The following ZNF582 variants were observed in gnomAD, a reference collection of about 807,000 sequenced individuals.
The protein encoded by ZNF582 is zinc finger protein 582.
Under a neutral mutation model 12.3 loss-of-function variants are expected in ZNF582, and 14 were observed. That is an observed-to-expected ratio of 1.14 (90% CI 0.75 to 1.78). The LOEUF (loss-of-function observed/expected upper bound fraction) is 1.78, where lower values mean the gene tolerates loss of function less well. ZNF582 is among the 40% of genes most tolerant of loss of function. The pLI is 0.00. For synonymous variants in ZNF582, 210 were observed against 207.2 expected (o/e 1.01, Z -0.11); for missense variants, 567 against 616.5 (o/e 0.92, Z 0.85).
At chr19:56,390,491 A>C in exon 3 of ZNF582, 1 of 1,614,098 alleles carries the variant, frequency 6.2e-7, no homozygotes, top group Non-Finnish European at 8.5e-7. Flanking sequence ...ATCCCTGAAC[A>C]ATTCTGACCC....
rs766814473 is a variant in ZNF582 at position 56,389,995 on chromosome 19, A to C, written c.232+6T>G. On this transcript the variant is annotated splice_donor_region_variant and intron_variant, in intron 4 of 4. Coordinates refer to ENST00000586929, the Ensembl canonical transcript of ZNF582. ...GCTGCTCCCTTCCCAATGATACCTC[A>C]CTCACCTGGACACAGGCCTCCAGAC... is the stretch of plus-strand genomic sequence containing the variant. 5.0e-6 allele frequency: 8 copies of C among 1,612,572 alleles called. No homozygotes were observed. The highest frequency in any genetic ancestry group is 6.8e-6 in the Non-Finnish European group (8 of 1,179,010).
exon 4 of ZNF582, chr19:56,390,091 C>T (rs1457368181): frequency 1.9e-6 from 3 of 1,613,518 alleles, no homozygotes; most frequent in Admixed American, 1.7e-5. Flanking sequence ...TTGGAAACGG[C>T]AAGACCTGGA....
intron 4 of ZNF582, among the ~76,000 whole-genome samples, chr19:56,388,688 A>C (rs1459204989): frequency 6.6e-6 from 1 of 151,946 alleles, no homozygotes; most frequent in Non-Finnish European, 1.5e-5. Context: ...GCTGGAGCGC[A>C]GTGGTTCGAT....
At chr19:56,383,637 G>A (rs1208639910) in exon 5 of ZNF582, 2 of 402,876 alleles carry the variant, frequency 5.0e-6, no homozygotes, top group Non-Finnish European at 8.5e-6. Flanking sequence ...ACTACACTGT[G>A]GTTAGAAAAT....
rs779383554 is a variant in ZNF582 at position 56,384,652 on chromosome 19, A to G, written c.765T>C (p.Tyr255=). The G allele has an allele frequency of 1.9e-6, 3 of 1,614,134 alleles. No individual in the cohort carries two copies. The East Asian group carries it at 6.7e-5, about 36-fold the overall frequency. Residue 255 remains tyrosine (Y), a synonymous_variant, in exon 5 of 5, where the codon TAT becomes TAC. Coordinates refer to ENST00000586929, the Ensembl canonical transcript of ZNF582. The stretch of plus-strand genomic sequence containing the variant: ...AGGCCTTCTCACAATCTTTACATTC[A>G]TACGGTTTCTCACCAGTATGAACTC...
rs1339102487 is a variant in ZNF582, at chr19:56,389,794, T to C, written c.232+207A>G. On this transcript the variant is annotated intron_variant, in intron 4 of 4. Coordinates refer to ENST00000586929, the Ensembl canonical transcript of ZNF582. ...ACCATATTTGTACTCAGTCTAGCCC[T>C]ATAATCCAGGTTGAATTTTTAAAGT... Among the ~76,000 whole-genome samples the C allele has an allele frequency of 4.6e-5, 7 of 152,296 alleles. No individual in the cohort carries two copies. In the East Asian group the frequency reaches 1.2e-3, roughly 25 times the overall value.
At chr19:56,393,434 C>T in exon 1 of ZNF582, 1 of 545,918 alleles carries the variant, frequency 1.8e-6, no homozygotes, top group South Asian at 1.4e-5. Flanking sequence ...AGCTCCGGAA[C>T]CTCTCACCTG....
exon 1 of ZNF582, chr19:56,393,426 C>A: frequency 1.8e-6 from 1 of 555,822 alleles, no homozygotes; most frequent in African/African-American, 1.9e-5. Flanking sequence ...GCCTGGAAAG[C>A]TCCGGAACCT....
chr19:56,388,805 G>A (rs1469822161), intron 4 of ZNF582, among the ~76,000 whole-genome samples: 1 of 152,062 alleles, frequency 6.6e-6, no homozygotes, highest in Non-Finnish European at 1.5e-5. Context: ...GCTAATTTTT[G>A]TGATTTTAGT....
At chr19:56,390,425 T>C in exon 3 of ZNF582, 1 of 1,614,078 alleles carries the variant, frequency 6.2e-7, no homozygotes, top group Non-Finnish European at 8.5e-7. Context: ...TCTGTACAAA[T>C]CCCTCTGAGC....
exon 5 of ZNF582, chr19:56,384,714 C>A: frequency 6.2e-7 from 1 of 1,612,074 alleles, no homozygotes; most frequent in South Asian, 1.1e-5. Flanking sequence ...GAATTGAAGG[C>A]CTTTCCACAT....
intron 4 of ZNF582, among the ~76,000 whole-genome samples, chr19:56,387,989 G>A (rs1343265075): frequency 6.6e-6 from 1 of 152,170 alleles, no homozygotes; most frequent in Non-Finnish European, 1.5e-5. Flanking sequence ...AGTCAACATT[G>A]TAAGAGCTGA....
exon 1 of ZNF582, chr19:56,393,266 G>A (rs1342237248): frequency 8.0e-7 from 1 of 1,244,518 alleles, no homozygotes; most frequent in Non-Finnish European, 1.0e-6. Flanking sequence ...GCAGAAAGGG[G>A]GCGCCAGAAA....
chr19:56,393,228 T>C, exon 1 of ZNF582: 1 of 1,254,050 alleles, frequency 8.0e-7, no homozygotes, highest in Non-Finnish European at 1.0e-6. Flanking sequence ...ACCTAAGGGG[T>C]CCATGCACCT....
In ZNF582 at chr19:56,384,299, C is replaced by T. The variant is rs757297944; in HGVS notation, c.1118G>A (p.Gly373Glu). Reference sequence around the variant, plus strand: ...TTGTGAGCTCACTCTAAAGGCCTTTCCACATACTTTGCACTCATAGGGTTT... The same window carrying T: ...TTGTGAGCTCACTCTAAAGGCCTTTTCACATACTTTGCACTCATAGGGTTT... The change falls in exon 5 of 5, where the codon GGA (glycine) becomes GAA (glutamate). Residue 373 changes from glycine (G) to glutamate (E), a missense_variant. Coordinates refer to ENST00000586929, the Ensembl canonical transcript of ZNF582. 2.4e-5 allele frequency: 38 copies of T among 1,613,492 alleles called. No homozygotes were observed. The South Asian group carries it at 3.7e-4, about 16-fold the overall frequency.
chr19:56,385,205 A>G (rs2304127), intron 4 of ZNF582, 21 bp from the exon 5 acceptor site: 91,119 of 1,547,524 alleles, frequency 0.059, 4,238 homozygotes, highest in East Asian at 0.29. Context: ...AAAAAAGCGA[A>G]TATGTTTGGC....
At chr19:56,382,860 G>A (rs2041929102) in exon 5 of ZNF582, 1 of 152,112 alleles carries the variant, frequency 6.6e-6, no homozygotes, top group South Asian at 2.1e-4. Flanking sequence ...GCTTCTCTGA[G>A]GTCCACTTTT....
At position 56,384,561 on chromosome 19, in the gene ZNF582, T is replaced by C. The variant is rs1218042176; in HGVS notation, c.856A>G (p.Lys286Glu). The C allele has an allele frequency of 4.3e-6, 7 of 1,614,074 alleles. No homozygotes were observed. The South Asian group carries it at 6.6e-5, about 15-fold the overall frequency. ...CGATTGAAGGCCTTGCCACATTCCT[T>C]ACACTGATAGGGTTTCTCGCCTGTG... Residue 286 changes from lysine to glutamate, a missense_variant, in exon 5 of 5, where the codon AAG becomes GAG. Lys to Glu is a moderately conservative substitution (Grantham distance 56, BLOSUM62 1). Coordinates refer to ENST00000586929, the Ensembl canonical transcript of ZNF582.
exon 5 of ZNF582, chr19:56,385,163 G>C: frequency 6.2e-7 from 1 of 1,603,236 alleles, no homozygotes. Context: ...TAATTCCTTG[G>C]TATCATATCT....
Sources: allele counts gnomAD v4.1 joint callset (sites outside exome capture counted in the v4.1 genomes callset), GRCh38; gene constraint gnomAD v4.1.1; transcripts MANE v1.5; gene names NCBI Gene and HGNC (gene_info 2026-07-23, HGNC 2026-07-21).